CCDC9: variants seen among roughly 807,000 people sequenced by gnomAD.
The protein encoded by CCDC9 is coiled-coil domain-containing protein 9.
A neutral mutation model predicts 65.6 loss-of-function variants in CCDC9; 52 were observed. That is an observed-to-expected ratio of 0.79 (90% CI 0.63 to 1.00). The LOEUF (loss-of-function observed/expected upper bound fraction) is 1.00, where lower values mean the gene tolerates loss of function less well. Among genes scored for constraint, CCDC9 ranks in the 50% least tolerant of loss-of-function variants. CCDC9 has a pLI of 0.00. For missense variants in CCDC9, 834 were observed against 757.2 expected, an observed-to-expected ratio of 1.10 and a Z score of -1.19; for synonymous variants, 332 against 280.3, an observed-to-expected ratio of 1.18 and a Z score of -1.84.
intron 5 of CCDC9, 126 bp downstream of exon 5, chr19:47,260,965 C>T (rs2059041491): frequency 7.2e-6 from 8 of 1,115,992 alleles, no homozygotes; most frequent in Middle Eastern, 2.3e-4. Flanking sequence ...TGAGCCTTTG[C>T]ATCTGGCTCT....
At chr19:47,262,247 C>T (rs1462451406) in intron 5 of CCDC9, among the ~76,000 whole-genome samples, 17 of 140,994 alleles carry the variant, frequency 1.2e-4, no homozygotes, top group Admixed American at 2.2e-4. Context: ...GACAGAGTCT[C>T]ACTTTGTTGC....
rs749135400 is a variant in CCDC9 at position 47,264,887 on chromosome 19, C to T, written c.661C>T (p.Arg221Cys). 1.1e-5 allele frequency: 16 copies of T among 1,475,622 alleles called. No homozygotes were observed. Among genetic ancestry groups the T allele is most frequent in the Admixed American group, 5.3e-5 (2 of 37,972 alleles). The allele number at this position is 1,475,622 out of a possible 1,614,324, so 91.4% of individuals were successfully genotyped here. A position where few individuals can be genotyped will look rare whatever the true frequency, so the allele number is the denominator to read the frequency against. The stretch of plus-strand genomic sequence containing the variant: ...CCGGGAGGAGAGCCGCCGGCACGGC[C>T]GCAACTGGGGGGGCCCCGACTTCGA... ...DRREESRRHG[R>C]NWGGPDFERV... Residue 221 changes from arginine to cysteine, a missense_variant, in exon 7 of 12, where the codon CGC becomes TGC. By Grantham distance (180) the Arg-to-Cys change is radical (BLOSUM62 -3). Coordinates refer to ENST00000221922, the MANE Select transcript of CCDC9 (RefSeq NM_015603.3).
chr19:47,261,368 G>A (rs996937897), intron 5 of CCDC9, among the ~76,000 whole-genome samples: 2 of 152,074 alleles, frequency 1.3e-5, no homozygotes, highest in Non-Finnish European at 2.9e-5. Flanking sequence ...ATGGGGAGCA[G>A]TGATTTTACT....
At position 47,260,699 on chromosome 19, in the gene CCDC9, G is replaced by A; in HGVS notation, c.322G>A (p.Ala108Thr). The change falls in exon 5 of 12, where the codon GCA becomes ACA. Residue 108 changes from alanine (A) to threonine (T), a missense_variant. Transcript: ENST00000221922. ...GGGAGGCCGGGCCGGCATGGGCCGA[G>A]CATCGCGCAGCTGGGAGGGCAGCCC... ...QQGGRAGMGR[A>T]SRSWEGSPGE... The A allele has an allele frequency of 6.4e-7, 1 of 1,568,572 alleles. No individual in the cohort carries two copies. Among genetic ancestry groups the A allele is most frequent in the African/African-American group, 1.4e-5 (1 of 73,474 alleles).
rs970017179 is a variant in CCDC9, at chr19:47,258,570, C to T, written c.15C>T (p.Leu5=). 14 of 1,613,810 alleles carry T rather than the reference C, an allele frequency of 8.7e-6. 1 individual carries two copies. The Admixed American group carries it at 1.0e-4, about 12-fold the overall frequency. Residue 5 remains leucine (L), a synonymous_variant, in exon 3 of 12, where the codon CTC becomes CTT. Coordinates refer to ENST00000221922, the MANE Select transcript of CCDC9 (RefSeq NM_015603.3). ...CCTCCCGGTCTCAGGCAGCCACACT[C>T]GATTTGAAATCAAAGGAGGAGAAGG... MAAT[L]DLKSKEEKDA...
chr19:47,264,335 A>T (rs2059065861), intron 5 of CCDC9, among the ~76,000 whole-genome samples: 3 of 152,236 alleles, frequency 2.0e-5, no homozygotes, highest in South Asian at 4.1e-4. Context: ...TTTTGAACGC[A>T]GGCCCCTTCT....
In CCDC9 at chr19:47,260,900, TTCC is replaced by T. The variant is rs2059040962; in HGVS notation, c.462+67_462+69del. 5.1e-6 allele frequency: 8 copies of T among 1,563,164 alleles called. No individual in the cohort carries two copies. In the East Asian group the frequency reaches 1.6e-4, roughly 31 times the overall value. ...GTTCTCTGTTGTCTGTTTCTGTTTTTTCCTCCTCTCAGATGCACATTTGTCCTG... is the reference window on the plus strand; with the variant it reads ...GTTCTCTGTTGTCTGTTTCTGTTTTTTCCTCTCAGATGCACATTTGTCCTG... On this transcript the variant is annotated intron_variant, in intron 5 of 11. Coordinates refer to ENST00000221922, the MANE Select transcript of CCDC9 (RefSeq NM_015603.3).
Position 47,264,915 on chromosome 19 carries a change from G to C in CCDC9, c.689G>C (p.Arg230Pro). The change falls in exon 7 of 12, where the codon CGG (arginine) becomes CCG (proline). Residue 230 changes from arginine (R) to proline (P), a missense_variant. Physicochemically the swap from Arg to Pro is moderately radical, Grantham distance 103. Transcript: ENST00000221922. ...GRNWGGPDFE[R>P]VRCGLEHERQ... ...AACTGGGGGGGCCCCGACTTCGAGCGGGTGCGCTGTGGCCTTGAGCACGAG... is the reference window on the plus strand; with the variant it reads ...AACTGGGGGGGCCCCGACTTCGAGCCGGTGCGCTGTGGCCTTGAGCACGAG... 6 of 1,461,030 alleles carry C rather than the reference G, an allele frequency of 4.1e-6. No individual in the cohort carries two copies. The highest frequency in any genetic ancestry group is 5.4e-6 in the Non-Finnish European group (6 of 1,109,790). The allele number at this position is 1,461,030 out of a possible 1,614,324, so 90.5% of individuals were successfully genotyped here.
At chr19:47,264,565 C>G (rs760584373) in intron 5 of CCDC9, 38 bp from the exon 6 acceptor site, 3 of 1,546,400 alleles carry the variant, frequency 1.9e-6, no homozygotes, top group South Asian at 2.4e-5. Context: ...CTTAATAGTT[C>G]TCCCTGAAGC....
chr19:47,256,799 G>T (rs1296818004), intron 1 of CCDC9, among the ~76,000 whole-genome samples, 190 bp downstream of exon 1: 3 of 150,580 alleles, frequency 2.0e-5, no homozygotes, highest in Non-Finnish European at 4.4e-5. Context: ...GGTCGGGGCG[G>T]GGCGTGGCCA....
chr19:47,275,568 G>A, downstream of CCDC9: 1 of 607,144 alleles, frequency 1.6e-6, no homozygotes, highest in Non-Finnish European at 2.8e-6. Flanking sequence ...CCATCAGGAA[G>A]ATCCCATCCT....
intron 8 of CCDC9, among the ~76,000 whole-genome samples, chr19:47,268,818 T>C (rs2059098297): frequency 6.6e-6 from 1 of 151,636 alleles, no homozygotes; most frequent in Non-Finnish European, 1.5e-5. Flanking sequence ...CTCGGGAGGC[T>C]GAGGCAGGAG....
At chr19:47,266,254 C>G (rs2059081721) in intron 7 of CCDC9, 1 of 205,914 alleles carries the variant, frequency 4.9e-6, no homozygotes, top group Non-Finnish European at 9.7e-6. Flanking sequence ...CTTGGCCTCC[C>G]AAAGTGCTGG....
intron 2 of CCDC9, 54 bp from the exon 3 acceptor site, chr19:47,258,505 C>T (rs2059025471): frequency 6.2e-7 from 1 of 1,603,458 alleles, no homozygotes; most frequent in Non-Finnish European, 8.5e-7. Context: ...GGGGAAAGTC[C>T]CTGGTATGGA....
chr19:47,269,634 G>A (rs554038471), intron 8 of CCDC9, among the ~76,000 whole-genome samples: 1 of 152,242 alleles, frequency 6.6e-6, no homozygotes, highest in East Asian at 1.9e-4. Context: ...CACCGTGCCC[G>A]GCCCTAATAT....
intron 2 of CCDC9, 45 bp downstream of exon 2, chr19:47,258,448 G>C: frequency 3.7e-6 from 6 of 1,613,568 alleles, no homozygotes; most frequent in Non-Finnish European, 5.1e-6. Context: ...TTTTGGGGAA[G>C]GGGGCTTGGG....
At chr19:47,268,216 TAAAGC>T (rs957925944) in intron 8 of CCDC9, among the ~76,000 whole-genome samples, 44 of 152,086 alleles carry the variant, frequency 2.9e-4, no homozygotes, top group African/African-American at 8.5e-4. Flanking sequence ...CAGTCAGACT[TAAAGC>T]AAAGCCCTCA....
At position 47,264,913 on chromosome 19, in the gene CCDC9, G is replaced by A. The variant is rs1782953346; in HGVS notation, c.687G>A (p.Glu229=). Residue 229 remains glutamate (E), a synonymous_variant, in exon 7 of 12, where the codon GAG becomes GAA. Transcript: ENST00000221922. ...GCAACTGGGGGGGCCCCGACTTCGA[G>A]CGGGTGCGCTGTGGCCTTGAGCACG... is the stretch of plus-strand genomic sequence containing the variant. ...HGRNWGGPDF[E]RVRCGLEHER... 1 of 1,462,086 alleles carries A rather than the reference G, an allele frequency of 6.8e-7. No homozygotes were observed. Among genetic ancestry groups the A allele is most frequent in the African/African-American group, 1.4e-5 (1 of 70,634 alleles). The allele number at this position is 1,462,086 out of a possible 1,614,324, so 90.6% of individuals were successfully genotyped here.
At chr19:47,263,755 G>A (rs1035137468) in intron 5 of CCDC9, among the ~76,000 whole-genome samples, 22 of 151,664 alleles carry the variant, frequency 1.5e-4, no homozygotes, top group East Asian at 7.8e-4. Context: ...TAGTAGAGAC[G>A]GGGTTTCACC....
Sources: allele counts gnomAD v4.1 joint callset (sites outside exome capture counted in the v4.1 genomes callset), GRCh38; gene constraint gnomAD v4.1.1; transcripts MANE v1.5; gene names NCBI Gene and HGNC (gene_info 2026-07-23, HGNC 2026-07-21).